Variants in EVA1C observed in about 807,000 individuals in gnomAD.
EVA1C encodes eva-1 homolog C.
In EVA1C, 25 loss-of-function variants were observed where a neutral mutation model predicts 45.4. The observed-to-expected ratio is 0.55, with a 90% confidence interval of 0.40 to 0.77. The LOEUF is 0.77. EVA1C is among the 30% of genes least tolerant of loss of function. The pLI is 0.00. For synonymous variants in EVA1C, 190 were observed against 221.2 expected, an observed-to-expected ratio of 0.86 and a Z score of 1.25; for missense variants, 479 against 554.8, an observed-to-expected ratio of 0.86 and a Z score of 1.37.
At chr21:32,424,032 T>C (rs955031588) in intron 1 of EVA1C, among the ~76,000 whole-genome samples, 2 of 152,222 alleles carry the variant, frequency 1.3e-5, no homozygotes, top group Non-Finnish European at 2.9e-5. Flanking sequence ...TCAGCATTCC[T>C]TTGATGATTA....
At chr21:32,513,469 G>A (rs1484769077) in intron 7 of EVA1C, among the ~76,000 whole-genome samples, 1 of 146,706 alleles carries the variant, frequency 6.8e-6, no homozygotes, top group Non-Finnish European at 1.5e-5. Context: ...GTGAGCCACC[G>A]TGCCCGGCCA....
intron 4 of EVA1C, among the ~76,000 whole-genome samples, chr21:32,471,238 C>T (rs1263590241): frequency 2.0e-5 from 3 of 152,182 alleles, no homozygotes; most frequent in African/African-American, 7.2e-5. Context: ...TCAAGAATGC[C>T]TTTCCAGAAC....
intron 6 of EVA1C, 23 bp from the exon 7 acceptor site, chr21:32,503,903 G>A: frequency 1.3e-6 from 2 of 1,565,156 alleles, no homozygotes; most frequent in Non-Finnish European, 1.8e-6. Flanking sequence ...TGATTAATTG[G>A]TCTTGCATTT....
chr21:32,507,387 T>C (rs2037755972), intron 7 of EVA1C, among the ~76,000 whole-genome samples: 2 of 146,394 alleles, frequency 1.4e-5, no homozygotes, highest in Non-Finnish European at 3.0e-5. Flanking sequence ...CATGTGTGCA[T>C]GTGCGTCTGT....
Position 32,432,874 on chromosome 21 carries a change from C to T in EVA1C, c.160+19861C>T, listed in dbSNP as rs144667154. On this transcript the variant is annotated intron_variant, in intron 1 of 7. Coordinates refer to ENST00000300255, the MANE Select transcript of EVA1C (RefSeq NM_058187.5). ...TAGCTGGGACTACAGGTGTGCACCA[C>T]TGCATGTGGCTGATTTATTTTATTT... is the stretch of plus-strand genomic sequence containing the variant. 7.0e-3 allele frequency among the ~76,000 whole-genome samples: 1,071 copies of T among 152,154 alleles called. 17 individuals are homozygous for T. The highest frequency in any genetic ancestry group is 0.024 in the African/African-American group (1,010 of 41,464).
chr21:32,472,084 T>C (rs1484353316), intron 4 of EVA1C, among the ~76,000 whole-genome samples: 1 of 152,238 alleles, frequency 6.6e-6, no homozygotes, highest in Non-Finnish European at 1.5e-5. Flanking sequence ...GTAAGCCGAA[T>C]GGTTTGTGTT....
intron 4 of EVA1C, among the ~76,000 whole-genome samples, chr21:32,491,099 AC>A (rs1345228292): frequency 2.6e-5 from 4 of 152,322 alleles, no homozygotes; most frequent in Admixed American, 6.5e-5. Flanking sequence ...GAAACCACTG[AC>A]TGCCGCCTGG....
At chr21:32,436,524 T>C (rs957498980) in intron 1 of EVA1C, among the ~76,000 whole-genome samples, 2 of 152,308 alleles carry the variant, frequency 1.3e-5, no homozygotes, top group African/African-American at 2.4e-5. Flanking sequence ...GGTTGGCTAC[T>C]ACAGGGAATC....
chr21:32,441,671 A>T (rs1208934975), intron 1 of EVA1C, among the ~76,000 whole-genome samples: 11 of 152,196 alleles, frequency 7.2e-5, no homozygotes, highest in Admixed American at 7.2e-4. Flanking sequence ...ACACAAGTGG[A>T]CAACTACATA....
At chr21:32,436,832 CAT>C (rs2034973925) in intron 1 of EVA1C, among the ~76,000 whole-genome samples, 1 of 151,892 alleles carries the variant, frequency 6.6e-6, no homozygotes. Flanking sequence ...TGCCCACGCA[CAT>C]GTTCTATTGC....
At position 32,507,536 on chromosome 21, in the gene EVA1C, G is replaced by GTA. The variant is rs548505372; in HGVS notation, c.949+3522_949+3523insAT. On this transcript the variant is annotated intron_variant, in intron 7 of 7. Transcript: ENST00000300255. ...TGTGCATGTGTCTCTGTGTGTGCAT[G>GTA]TGTGCGTCTGTATGTATGCGTGTTT... Among the ~76,000 whole-genome samples, 179 of 127,620 alleles carry GTA rather than the reference G, an allele frequency of 1.4e-3. 2 individuals carry two copies. Among genetic ancestry groups the GTA allele is most frequent in the African/African-American group, 5.9e-3 (161 of 27,172 alleles). The allele number at this position is 127,620 out of a possible 152,430, so 83.7% of individuals were successfully genotyped here. A position where few individuals can be genotyped will look rare whatever the true frequency, so the allele number is the denominator to read the frequency against.
intron 1 of EVA1C, among the ~76,000 whole-genome samples, chr21:32,417,434 T>A (rs547347945): frequency 1.1e-4 from 17 of 152,164 alleles, no homozygotes; most frequent in Non-Finnish European, 2.4e-4. Context: ...TACAAGGATA[T>A]CAGTCATATT....
intron 4 of EVA1C, chr21:32,493,904 ATTCTTGTG>A (rs1038152320): frequency 6.6e-6 from 1 of 152,068 alleles, no homozygotes; most frequent in Admixed American, 6.6e-5. Context: ...GGTTGAAGCA[ATTCTTGTG>A]CCTCAGCCTC....
At chr21:32,478,217 T>G (rs2036653117) in intron 4 of EVA1C, among the ~76,000 whole-genome samples, 1 of 149,832 alleles carries the variant, frequency 6.7e-6, no homozygotes, top group African/African-American at 2.5e-5. Flanking sequence ...AATTAAGTTT[T>G]ATATATATAT....
chr21:32,492,492 G>T (rs539779949), intron 4 of EVA1C, among the ~76,000 whole-genome samples: 1 of 152,158 alleles, frequency 6.6e-6, no homozygotes, highest in East Asian at 1.9e-4. Context: ...TTGTTAGAGG[G>T]TAGAGGAGTT....
Position 32,452,178 on chromosome 21 carries a change from C to T in EVA1C, c.161-1134C>T, listed in dbSNP as rs1044356354. 2.6e-5 allele frequency: 4 copies of T among 152,286 alleles called. No homozygotes were observed. Among genetic ancestry groups the T allele is most frequent in the Admixed American group, 6.5e-5 (1 of 15,286 alleles). 9.4% of individuals were successfully genotyped at this position (152,286 alleles called of 1,614,324 possible). ...CCACACATCCAGGGGACACTCACCC[C>T]GATTTTTTTCCTGGTTTATAAAGGT... On this transcript the variant is annotated intron_variant, in intron 1 of 7. Transcript: ENST00000300255. This position sits in a 1 kb window ranked among gnomAD's most constrained non-coding sequence, Gnocchi z 4.0.
intron 4 of EVA1C, 78 bp downstream of exon 4, chr21:32,467,926 T>G: frequency 1.2e-6 from 1 of 868,694 alleles, no homozygotes; most frequent in Non-Finnish European, 1.5e-6. Flanking sequence ...ATATATCCTA[T>G]ATATATCCTA....
chr21:32,472,144 T>G (rs2036397286), intron 4 of EVA1C, among the ~76,000 whole-genome samples: 1 of 151,806 alleles, frequency 6.6e-6, no homozygotes, highest in South Asian at 2.1e-4. Context: ...AAAGTTGGAT[T>G]TAATTAATTA....
At chr21:32,492,455 C>A (rs1171593499) in intron 4 of EVA1C, among the ~76,000 whole-genome samples, 1 of 152,036 alleles carries the variant, frequency 6.6e-6, no homozygotes, top group Non-Finnish European at 1.5e-5. Context: ...GGAGAGAGGT[C>A]CTGGGAACTG....
Sources: allele counts gnomAD v4.1 joint callset (sites outside exome capture counted in the v4.1 genomes callset), GRCh38; gene constraint gnomAD v4.1.1; non-coding constraint Gnocchi (gnomAD v3.1); transcripts MANE v1.5; gene names NCBI Gene and HGNC (gene_info 2026-07-23, HGNC 2026-07-21).